The following CEP128 variants were observed in gnomAD, a reference collection of about 807,000 sequenced individuals.
CEP128 encodes centrosomal protein 128, also known as centrosomal protein 128kDa.
Under a neutral mutation model 156.7 loss-of-function variants are expected in CEP128, and 132 were observed. The ratio of observed to expected loss-of-function variants is 0.84; its 90% CI spans 0.73 to 0.97. The LOEUF (loss-of-function observed/expected upper bound fraction) is 0.97. CEP128 is among the 50% of genes least tolerant of loss of function. The pLI is 0.00. For synonymous variants in CEP128, 469 were observed against 448.9 expected, an observed-to-expected ratio of 1.04 and a Z score of -0.57; for missense variants, 1,252 against 1,281.9, an observed-to-expected ratio of 0.98 and a Z score of 0.36.
At chr14:80,707,824 T>G (rs944371055) in intron 19 of CEP128, among the ~76,000 whole-genome samples, 1 of 152,178 alleles carries the variant, frequency 6.6e-6, no homozygotes, top group African/African-American at 2.4e-5. Context: ...AAAATCTAAT[T>G]TTTTTGCAAT....
At chr14:80,827,793 T>C (rs756646481) in intron 13 of CEP128, among the ~76,000 whole-genome samples, 3 of 152,226 alleles carry the variant, frequency 2.0e-5, no homozygotes, top group Non-Finnish European at 2.9e-5. Flanking sequence ...AAGAGAATAA[T>C]GTTTTCATAT....
chr14:80,795,987 A>G (rs994349933), intron 13 of CEP128, among the ~76,000 whole-genome samples: 9 of 152,172 alleles, frequency 5.9e-5, no homozygotes, highest in African/African-American at 1.9e-4. Context: ...CAACACCAAC[A>G]AAAGCACTTT....
At chr14:80,941,318 G>A (rs1886141961) in intron 1 of CEP128, among the ~76,000 whole-genome samples, 1 of 152,172 alleles carries the variant, frequency 6.6e-6, no homozygotes, top group Non-Finnish European at 1.5e-5. Flanking sequence ...GCTCCCAAAG[G>A]AAGGACAATG....
At chr14:80,723,096 T>G (rs545998997) in intron 19 of CEP128, among the ~76,000 whole-genome samples, 4 of 152,118 alleles carry the variant, frequency 2.6e-5, no homozygotes, top group South Asian at 2.1e-4. Context: ...AAAGTGCTGG[T>G]ATTACAGCCA....
chr14:80,948,057 T>C (rs1306439219), intron 2 of CEP128, among the ~76,000 whole-genome samples: 1 of 144,360 alleles, frequency 6.9e-6, no homozygotes, highest in African/African-American at 2.7e-5. Flanking sequence ...ACACCAAGTA[T>C]GATGTTATAG....
intron 20 of CEP128, among the ~76,000 whole-genome samples, chr14:80,577,658 A>G (rs1466323060): frequency 6.6e-6 from 1 of 152,098 alleles, no homozygotes; most frequent in Admixed American, 6.6e-5. Flanking sequence ...CCTGATTTCA[A>G]TCTTGCCTGC....
At chr14:80,924,081 CTT>C (rs1466982769) in intron 2 of CEP128, among the ~76,000 whole-genome samples, 1 of 152,182 alleles carries the variant, frequency 6.6e-6, no homozygotes, top group African/African-American at 2.4e-5. Context: ...AATTAAACCT[CTT>C]TGTTTATAAA....
intron 19 of CEP128, among the ~76,000 whole-genome samples, chr14:80,585,117 A>G (rs1020309918): frequency 5.2e-5 from 8 of 152,384 alleles, no homozygotes; most frequent in African/African-American, 1.9e-4. Context: ...ATACTCACTC[A>G]TTATGACATA....
At chr14:80,827,460 A>G (rs1205065326) in intron 13 of CEP128, among the ~76,000 whole-genome samples, 1 of 152,212 alleles carries the variant, frequency 6.6e-6, no homozygotes, top group Non-Finnish European at 1.5e-5. Flanking sequence ...AGTGGCCCAG[A>G]GCAAAATCCG....
intron 19 of CEP128, among the ~76,000 whole-genome samples, chr14:80,628,944 T>A (rs1893847989): frequency 6.6e-6 from 1 of 152,116 alleles, no homozygotes; most frequent in African/African-American, 2.4e-5. Flanking sequence ...GCGTTTTAGA[T>A]GTTACAAATG....
At chr14:80,684,266 A>G (rs1206909558) in intron 19 of CEP128, among the ~76,000 whole-genome samples, 1 of 152,158 alleles carries the variant, frequency 6.6e-6, no homozygotes, top group African/African-American at 2.4e-5. Flanking sequence ...AGGTGACATT[A>G]CAGCCATTCT....
intron 23 of CEP128, among the ~76,000 whole-genome samples, chr14:80,513,484 C>T (rs1003299746): frequency 3.3e-5 from 5 of 152,006 alleles, no homozygotes; most frequent in South Asian, 2.1e-4. Context: ...ATAACCTTCC[C>T]GTACTTAAAT....
intron 19 of CEP128, among the ~76,000 whole-genome samples, chr14:80,726,357 T>C (rs1333266078): frequency 6.6e-6 from 1 of 152,182 alleles, no homozygotes; most frequent in African/African-American, 2.4e-5. Flanking sequence ...GTTGCTTCTT[T>C]GAAAGCACCA....
In CEP128 at chr14:80,836,138, T is replaced by C; in HGVS notation, c.1057+67A>G. ...AATGCAATTCTGAGGATGAAAAGTA[T>C]TTTCTAAGAAAAACCAAAAAGCCCC... On this transcript the variant is annotated intron_variant, in intron 12 of 24. Coordinates refer to ENST00000555265, the MANE Select transcript of CEP128 (RefSeq NM_152446.5). 2.1e-6 allele frequency: 3 copies of C among 1,463,112 alleles called. No homozygotes were observed. The South Asian group carries it at 3.6e-5, about 18-fold the overall frequency. The allele number at this position is 1,463,112 out of a possible 1,614,324, so 90.6% of individuals were successfully genotyped here. A position where few individuals can be genotyped will look rare whatever the true frequency, so the allele number is the denominator to read the frequency against.
intron 14 of CEP128, among the ~76,000 whole-genome samples, chr14:80,788,007 C>G (rs1008699199): frequency 1.3e-5 from 2 of 152,134 alleles, no homozygotes; most frequent in Admixed American, 6.6e-5. Context: ...ACAAGGGTGA[C>G]AGCCAGAGGG....
chr14:80,950,921 A>G (rs1356701450), intron 2 of CEP128, among the ~76,000 whole-genome samples: 2 of 151,848 alleles, frequency 1.3e-5, no homozygotes, highest in Non-Finnish European at 2.9e-5. Context: ...AAAAAAAAAA[A>G]AAAGCAGATT....
chr14:80,921,794 T>C (rs1189082570), intron 2 of CEP128, among the ~76,000 whole-genome samples: 2 of 151,752 alleles, frequency 1.3e-5, no homozygotes, highest in Non-Finnish European at 2.9e-5. Flanking sequence ...TGAAACCCCA[T>C]CTCTACTAAA....
intron 19 of CEP128, among the ~76,000 whole-genome samples, chr14:80,673,519 G>C (rs536383695): frequency 1.9e-4 from 28 of 144,626 alleles, no homozygotes; most frequent in Admixed American, 5.6e-4. Context: ...AGTGGCGGGC[G>C]CCTGTAGTCC....
Position 80,761,186 on chromosome 14 carries a change from T to C in CEP128, c.2553+251A>G, listed in dbSNP as rs1899946033. On this transcript the variant is annotated intron_variant, in intron 17 of 24. Transcript: ENST00000555265. ...GCCTCTTGACTCCAAGGGCTACCTC[T>C]CTTATAAGATTTTTCTTTTTTTTTT... Among the ~76,000 whole-genome samples the C allele has an allele frequency of 2.0e-5, 3 of 151,028 alleles. No individual in the cohort carries two copies. The South Asian group carries it at 6.3e-4, about 31-fold the overall frequency.
Sources: gnomAD v4.1 joint callset for allele counts (sites outside exome capture counted in the v4.1 genomes callset) on GRCh38, gnomAD v4.1.1 for gene constraint, MANE v1.5 for transcripts, NCBI Gene and HGNC (gene_info 2026-07-23, HGNC 2026-07-21) for gene names.